FER1L5: variants seen among roughly 807,000 people sequenced by gnomAD.
FER1L5 encodes fer-1-like protein 5.
A neutral mutation model predicts 279.9 loss-of-function variants in FER1L5; 187 were observed. The ratio of observed to expected loss-of-function variants is 0.67; its 90% CI spans 0.59 to 0.75. The LOEUF is 0.75. Ranked by LOEUF, FER1L5 falls within the 30% of genes least tolerant of loss-of-function variation. The probability of loss-of-function intolerance (pLI) is 0.00; values close to 1 mark genes in which losing one functional copy is unlikely to be tolerated. For synonymous variants in FER1L5, 921 were observed against 989.7 expected, an observed-to-expected ratio of 0.93 and a Z score of 1.30; for missense variants, 2,091 against 2,594.4, an observed-to-expected ratio of 0.81 and a Z score of 4.21.
At chr2:96,649,792 G>A (rs1379301861) in intron 5 of FER1L5, 115 bp downstream of exon 5, 5 of 1,039,548 alleles carry the variant, frequency 4.8e-6, no homozygotes, top group Non-Finnish European at 7.2e-6. Context: ...CAGAAGGAAT[G>A]TGACCAGGCT....
intron 9 of FER1L5, among the ~76,000 whole-genome samples, chr2:96,659,290 TTTCCTTCCTTCC>T (rs1179676955): frequency 3.1e-4 from 25 of 81,016 alleles, no homozygotes; most frequent in East Asian, 1.3e-3. Context: ...TTTATCAAGC[TTTCCTTCCTTCC>T]TTCCTTCCTT....
At chr2:96,674,544 G>A (rs1312601204) in intron 19 of FER1L5, among the ~76,000 whole-genome samples, 2 of 152,130 alleles carry the variant, frequency 1.3e-5, no homozygotes, top group African/African-American at 4.8e-5. Flanking sequence ...TGTGATTGTA[G>A]ATGTTCCTAT....
At chr2:96,665,601 T>A (rs919683626) in intron 14 of FER1L5, among the ~76,000 whole-genome samples, 2 of 151,600 alleles carry the variant, frequency 1.3e-5, no homozygotes, top group Admixed American at 1.3e-4. Context: ...TCTTCTTTGT[T>A]CATCTTTTTT....
intron 2 of FER1L5, 78 bp from the exon 3 acceptor site, chr2:96,646,986 C>A: frequency 7.0e-7 from 1 of 1,425,774 alleles, no homozygotes; most frequent in Non-Finnish European, 9.6e-7. Context: ...GCCCGTTCCC[C>A]ACGTCTTTCC....
intron 1 of FER1L5, among the ~76,000 whole-genome samples, chr2:96,644,499 AAGAG>A (rs923448616): frequency 5.3e-5 from 8 of 150,224 alleles, no homozygotes; most frequent in East Asian, 3.9e-4. Flanking sequence ...GAAAGAGAGA[AAGAG>A]AGAGAGAGAG....
intron 1 of FER1L5, among the ~76,000 whole-genome samples, chr2:96,643,211 C>G (rs1432795482): frequency 6.6e-6 from 1 of 152,110 alleles, no homozygotes; most frequent in South Asian, 2.1e-4. Context: ...AGAGAAAGTC[C>G]CTGCTTCCTC....
chr2:96,650,679 T>C (rs1421156080), intron 6 of FER1L5, among the ~76,000 whole-genome samples: 2 of 152,200 alleles, frequency 1.3e-5, no homozygotes, highest in Non-Finnish European at 2.9e-5. Flanking sequence ...TGAGGGGACC[T>C]ATGGAAAGGT....
At position 96,693,905 on chromosome 2, in the gene FER1L5, C is replaced by T. The variant is rs768259238; in HGVS notation, c.3475-6C>T. ...CCTCCATGCTTTGTGAACTTCCCCC[C>T]TCCAGGGCAAGGAGAGCTTGTGGGG... On this transcript the variant is annotated splice_polypyrimidine_tract_variant and splice_region_variant and intron_variant, in intron 32 of 52. Coordinates refer to ENST00000624922, the MANE Select transcript of FER1L5 (RefSeq NM_001293083.2). 1.0e-5 allele frequency: 16 copies of T among 1,543,800 alleles called. No individual in the cohort carries two copies. The highest frequency in any genetic ancestry group is 1.2e-5 in the South Asian group (1 of 82,522).
At chr2:96,688,159 A>G (rs1441040222) in intron 24 of FER1L5, among the ~76,000 whole-genome samples, 1 of 152,148 alleles carries the variant, frequency 6.6e-6, no homozygotes. Context: ...GATTAAAGCA[A>G]TCTCGGACAC....
rs118112723 is a variant in FER1L5, at chr2:96,686,078, G to C, written c.2034G>C (p.Ala678=). 6.4e-7 allele frequency: 1 copy of C among 1,551,450 alleles called. No individual in the cohort carries two copies. The highest frequency in any genetic ancestry group is 1.4e-5 in the African/African-American group (1 of 73,060). The change falls in exon 22 of 53, where the codon GCG becomes GCC. Residue 678 remains alanine, a synonymous_variant. Coordinates refer to ENST00000624922, the MANE Select transcript of FER1L5 (RefSeq NM_001293083.2). The stretch of plus-strand genomic sequence containing the variant: ...AGCCCAAGGACATGGTGGCCACAGC[G>C]GAGGACTGGCTGTACCGCCTCAACA... ...QAKPKDMVAT[A]EDWLYRLNTV...
In FER1L5 at chr2:96,696,034, T is replaced by C; in HGVS notation, c.4058-18T>C. The C allele has an allele frequency of 1.2e-6, 2 of 1,613,842 alleles. No individual in the cohort carries two copies. The highest frequency in any genetic ancestry group is 8.5e-7 in the Non-Finnish European group (1 of 1,179,858). ...CTCTCCCCATCCTGAGACTCGTCCC[T>C]GCGCTCTCCCCGCACAGCGCTGTCT... On this transcript the variant is annotated intron_variant, in intron 36 of 52. Transcript: ENST00000624922.
Position 96,695,511 on chromosome 2 carries a change from C to T in FER1L5, c.3744C>T (p.Ile1248=). The T allele has an allele frequency of 6.3e-7, 1 of 1,585,296 alleles. No homozygotes were observed. Among genetic ancestry groups the T allele is most frequent in the Non-Finnish European group, 8.6e-7 (1 of 1,166,924 alleles). Residue 1248 remains isoleucine (I), a splice_region_variant and synonymous_variant, in exon 35 of 53, where the codon ATC becomes ATT. Coordinates refer to ENST00000624922, the MANE Select transcript of FER1L5 (RefSeq NM_001293083.2). The part of the protein sequence containing the change: ...QPTIKRMAIE[I]LAWGLRNMKK... ...GCCCTCCTTCTTTGTTCTGGTAGAT[C>T]CTGGCCTGGGGCCTTCGGAACATGA...
chr2:96,676,924 C>G (rs1384865361), intron 19 of FER1L5, among the ~76,000 whole-genome samples: 1 of 152,158 alleles, frequency 6.6e-6, no homozygotes, highest in East Asian at 1.9e-4. Flanking sequence ...CGGTCTGCCT[C>G]TTGGGTTCCC....
chr2:96,655,551 C>T (rs556687649), intron 9 of FER1L5, among the ~76,000 whole-genome samples: 1 of 152,040 alleles, frequency 6.6e-6, no homozygotes, highest in South Asian at 2.1e-4. Context: ...ACGGGCACCA[C>T]CCTTGGAAAA....
chr2:96,670,246 AGG>A lies in FER1L5; in HGVS notation c.1491_1491+1del. ...CTCTCCCATGAAGTGACCAGGATAG[AGG>A]TAACTGCGGGAAACAGGTAACCCAG... is the stretch of plus-strand genomic sequence containing the variant. On this transcript the variant is annotated splice_donor_variant and coding_sequence_variant, in exon 18 of 53. Transcript: ENST00000624922. LOFTEE classifies it high-confidence loss of function. 1 of 1,551,444 alleles carries A rather than the reference AGG, an allele frequency of 6.4e-7. No homozygotes were observed. The highest frequency in any genetic ancestry group is 8.7e-7 in the Non-Finnish European group (1 of 1,146,826).
Position 96,645,839 on chromosome 2 carries a change from AAG to A in FER1L5, c.86-560_86-559del, listed in dbSNP as rs1193787218. Among the ~76,000 whole-genome samples, 4 of 152,130 alleles carry A rather than the reference AAG, an allele frequency of 2.6e-5. 1 individual carries two copies. The East Asian group carries it at 7.7e-4, about 29-fold the overall frequency. ...GAAAAAATAAAAAGAGAAACAAAGA[AAG>A]AAAATGAAATGAACATAGAGCATTA... On this transcript the variant is annotated intron_variant, in intron 1 of 52. Coordinates refer to ENST00000624922, the MANE Select transcript of FER1L5 (RefSeq NM_001293083.2).
At chr2:96,690,388 C>T (rs937832016) in intron 26 of FER1L5, 99 bp from the exon 27 acceptor site, 12 of 1,080,888 alleles carry the variant, frequency 1.1e-5, no homozygotes, top group Admixed American at 2.0e-5. Context: ...GAGGCTGCTG[C>T]GGCCACAGCA....
chr2:96,658,870 C>G (rs988894703), intron 9 of FER1L5, among the ~76,000 whole-genome samples: 3 of 152,110 alleles, frequency 2.0e-5, no homozygotes, highest in African/African-American at 7.2e-5. Context: ...TGTTTGTTTT[C>G]TAACTATTGA....
intron 21 of FER1L5, 25 bp from the exon 22 acceptor site, chr2:96,685,909 TCCAGCC>T: frequency 6.7e-7 from 1 of 1,493,994 alleles, no homozygotes; most frequent in Non-Finnish European, 8.9e-7. Context: ...AGTAGAGAGG[TCCAGCC>T]CCTGCTACCC....
Sources: gnomAD v4.1 joint callset for allele counts (sites outside exome capture counted in the v4.1 genomes callset) on GRCh38, gnomAD v4.1.1 for gene constraint, MANE v1.5 for transcripts, NCBI Gene and HGNC (gene_info 2026-07-23, HGNC 2026-07-21) for gene names.